The following SCN3A variants were observed in gnomAD, a reference collection of about 807,000 sequenced individuals.
The protein encoded by SCN3A is sodium voltage-gated channel alpha subunit 3, also known as sodium channel protein type 3 subunit alpha.
In SCN3A, 60 loss-of-function variants were observed where a neutral mutation model predicts 187.6. The observed-to-expected ratio is 0.32, with a 90% confidence interval of 0.26 to 0.40. The LOEUF (loss-of-function observed/expected upper bound fraction) is 0.40, where lower values mean the gene tolerates loss of function less well. SCN3A is among the 10% of genes least tolerant of loss of function. The probability of loss-of-function intolerance (pLI) is 1.00; values close to 1 mark genes in which losing one functional copy is unlikely to be tolerated. For missense variants in SCN3A, 1,601 were observed against 2,428.2 expected (o/e 0.66, Z 7.16); for synonymous variants, 788 against 829.2 (o/e 0.95, Z 0.85).
chr2:165,196,203 A>T (rs1415735102), intron 1 of SCN3A, among the ~76,000 whole-genome samples: 2 of 149,706 alleles, frequency 1.3e-5, no homozygotes, highest in African/African-American at 2.5e-5. Context: ...TTTTTTTTTT[A>T]AATAAATGAT....
intron 18 of SCN3A, among the ~76,000 whole-genome samples, chr2:165,121,930 G>C (rs555018012): frequency 1.3e-5 from 2 of 151,896 alleles, no homozygotes; most frequent in Admixed American, 1.3e-4. Flanking sequence ...TCTCTTTTTT[G>C]CCTGGTCAGT....
At chr2:165,196,810 T>A (rs1691995421) in intron 1 of SCN3A, among the ~76,000 whole-genome samples, 1 of 152,156 alleles carries the variant, frequency 6.6e-6, no homozygotes, top group African/African-American at 2.4e-5. Context: ...ATTGCACTTT[T>A]AAAAAATTAA....
intron 18 of SCN3A, among the ~76,000 whole-genome samples, chr2:165,121,032 G>A (rs1369453551): frequency 6.6e-6 from 1 of 151,678 alleles, no homozygotes; most frequent in African/African-American, 2.4e-5. Context: ...TTTTCAGAAA[G>A]GATACAAAAG....
Position 165,139,471 on chromosome 2 carries a change from C to A in SCN3A, c.2152+5G>T. The A allele has an allele frequency of 6.2e-7, 1 of 1,613,848 alleles. No individual in the cohort carries two copies. The highest frequency in any genetic ancestry group is 8.5e-7 in the Non-Finnish European group (1 of 1,179,832). On this transcript the variant is annotated splice_donor_5th_base_variant and intron_variant, in intron 14 of 27. Transcript: ENST00000283254. ...AAGTTGGCTGTTCCATGACCTGCTTCTTACCTTCCATTGTGTTGGTCAGAA... is the reference window on the plus strand; with the variant it reads ...AAGTTGGCTGTTCCATGACCTGCTTATTACCTTCCATTGTGTTGGTCAGAA...
At chr2:165,150,142 A>C (rs1019153444) in intron 11 of SCN3A, among the ~76,000 whole-genome samples, 1 of 152,234 alleles carries the variant, frequency 6.6e-6, no homozygotes, top group East Asian at 1.9e-4. Flanking sequence ...TTAAATGTCA[A>C]ACACAATTAG....
chr2:165,148,810 C>A (rs568351038), intron 11 of SCN3A, among the ~76,000 whole-genome samples: 3 of 152,088 alleles, frequency 2.0e-5, no homozygotes, highest in African/African-American at 7.2e-5. Flanking sequence ...TATTGATCAT[C>A]AGTATCACTT....
chr2:165,187,463 G>A (rs1473293747), intron 1 of SCN3A, among the ~76,000 whole-genome samples: 1 of 152,076 alleles, frequency 6.6e-6, no homozygotes, highest in Non-Finnish European at 1.5e-5. Context: ...AATATTTACT[G>A]CAATTCATTT....
At chr2:165,122,230 C>CTTTTTTT (rs776949572) in intron 18 of SCN3A, among the ~76,000 whole-genome samples, 272 of 113,848 alleles carry the variant, frequency 2.4e-3, no homozygotes, top group Middle Eastern at 5.2e-3. Context: ...TTCTTTCTTT[C>CTTTTTTT]TTTTTTTTCT....
chr2:165,195,504 G>A (rs62176181), intron 1 of SCN3A: 1 of 151,952 alleles, frequency 6.6e-6, no homozygotes, highest in Non-Finnish European at 1.5e-5. Context: ...GTGCCCTATT[G>A]AATGTCTTAA....
intron 11 of SCN3A, among the ~76,000 whole-genome samples, chr2:165,149,181 T>C (rs948060889): frequency 7.1e-3 from 2 of 282 alleles, no homozygotes; most frequent in Non-Finnish European, 0.018. Context: ...CTTCCAAACT[T>C]TTTTTTTTTT....
intron 17 of SCN3A, among the ~76,000 whole-genome samples, chr2:165,128,519 C>T (rs148049826): frequency 0.01 from 1,547 of 152,106 alleles, 15 homozygotes; most frequent in Non-Finnish European, 0.013. Flanking sequence ...GAATTTCTAG[C>T]TTCGTGTATA....
At chr2:165,179,942 T>C (rs1372011894) in intron 2 of SCN3A, among the ~76,000 whole-genome samples, 1 of 152,074 alleles carries the variant, frequency 6.6e-6, no homozygotes, top group Non-Finnish European at 1.5e-5. Context: ...TGCCTTGGTG[T>C]GGAATATATA....
intron 3 of SCN3A, among the ~76,000 whole-genome samples, chr2:165,174,377 A>T (rs916996486): frequency 3.3e-5 from 5 of 152,186 alleles, no homozygotes; most frequent in African/African-American, 1.2e-4. Flanking sequence ...TAATCAAATG[A>T]TGTGGAATGT....
At position 165,185,998 on chromosome 2, in the gene SCN3A, G is replaced by A. The variant is rs574452821; in HGVS notation, c.-51+553C>T. ...TATATAAAAAACTCAGTTGCTGGGC[G>A]CGATGGCTCACACCTGTAATCCCAG... On this transcript the variant is annotated intron_variant, in intron 2 of 27. Coordinates refer to ENST00000283254, the MANE Select transcript of SCN3A (RefSeq NM_006922.4). Among the ~76,000 whole-genome samples, 25 of 152,202 alleles carry A rather than the reference G, an allele frequency of 1.6e-4. No homozygotes were observed. In the South Asian group the frequency reaches 4.4e-3, roughly 27 times the overall value.
chr2:165,112,063 C>G lies in SCN3A; in HGVS notation c.3843+822G>C, dbSNP rs187818497. 4.6e-5 allele frequency among the ~76,000 whole-genome samples: 7 copies of G among 152,256 alleles called. 1 individual carries two copies. The South Asian group carries it at 1.2e-3, about 27-fold the overall frequency. ...AAGTGTTAGAGCTAAAAATAAGGAG[C>G]TTTGTGATTGCTAGGAAATGGCTAG... On this transcript the variant is annotated intron_variant, in intron 21 of 27. Transcript: ENST00000283254.
At chr2:165,120,677 C>T (rs1452326175) in intron 18 of SCN3A, among the ~76,000 whole-genome samples, 1 of 151,952 alleles carries the variant, frequency 6.6e-6, no homozygotes, top group Admixed American at 6.6e-5. Flanking sequence ...GGGCCTTAGT[C>T]TGATCTTTTG....
Position 165,090,166 on chromosome 2 carries a change from C to G in SCN3A, c.5987G>C (p.Arg1996Thr), listed in dbSNP as rs1283747930. 1.9e-6 allele frequency: 3 copies of G among 1,585,542 alleles called. No homozygotes were observed. In the East Asian group the frequency reaches 6.7e-5, roughly 36 times the overall value. Residue 1996 changes from arginine (R) to threonine (T), a missense_variant, in exon 28 of 28, where the codon AGA (arginine) becomes ACA (threonine). By Grantham distance (71) the Arg-to-Thr change is moderately conservative. Coordinates refer to ENST00000283254, the MANE Select transcript of SCN3A (RefSeq NM_006922.4). This position sits in a 1 kb window ranked among gnomAD's most constrained non-coding sequence, Gnocchi z 4.0. ...TGTTTCTTTTTACTTTTGATTTTCT[C>G]TGACCTCTTTTCCTTTGCTTTCTTT... ...PEKESKGKEV[R>T]ENQK
intron 12 of SCN3A, among the ~76,000 whole-genome samples, chr2:165,141,205 A>T (rs900926922): frequency 6.6e-6 from 1 of 152,188 alleles, no homozygotes; most frequent in African/African-American, 2.4e-5. Context: ...TTTCTGACTA[A>T]CAATACTGAT....
At chr2:165,125,161 C>T (rs1366364136) in intron 18 of SCN3A, among the ~76,000 whole-genome samples, 1 of 152,140 alleles carries the variant, frequency 6.6e-6, no homozygotes, top group Non-Finnish European at 1.5e-5. Context: ...CTCCACCTTT[C>T]CTTTAGTAAG....
Sources: gnomAD v4.1 joint callset for allele counts (sites outside exome capture counted in the v4.1 genomes callset) on GRCh38, gnomAD v4.1.1 for gene constraint, Gnocchi (gnomAD v3.1) non-coding constraint, MANE v1.5 for transcripts, NCBI Gene and HGNC (gene_info 2026-07-23, HGNC 2026-07-21) for gene names.